The following CEMIP variants were observed in gnomAD, a reference collection of about 807,000 sequenced individuals.
The protein encoded by CEMIP is cell migration inducing hyaluronidase 1.
A neutral mutation model predicts 156.9 loss-of-function variants in CEMIP; 105 were observed. That is an observed-to-expected ratio of 0.67 (90% CI 0.57 to 0.79). The LOEUF is 0.79. CEMIP is among the 30% of genes least tolerant of loss of function. The pLI is 0.00. For missense variants in CEMIP, 1,457 were observed against 1,769.4 expected (o/e 0.82, Z 3.17); for synonymous variants, 676 against 668.4 (o/e 1.01, Z -0.17).
At chr15:80,839,285 C>A (rs913784011) in intron 1 of CEMIP, among the ~76,000 whole-genome samples, 1 of 60,052 alleles carries the variant, frequency 1.7e-5, no homozygotes, top group African/African-American at 1.2e-4. Context: ...GAGTCAAGGC[C>A]GTGAGTGTGT....
chr15:80,909,212 G>A lies in CEMIP; in HGVS notation c.1703G>A (p.Arg568Lys). ...CACCTGGCCGGTGATGTAGACGAAA[G>A]GGGAGGTTATGACCCACCCACATAC... Reference protein sequence around the residue: ...HFHLAGDVDERGGYDPPTYIR... With the variant: ...HFHLAGDVDEKGGYDPPTYIR... Residue 568 changes from arginine (R) to lysine (K), a missense_variant, in exon 14 of 30, where the codon AGG becomes AAG. Transcript: ENST00000394685. The A allele has an allele frequency of 6.2e-7, 1 of 1,614,130 alleles. No individual in the cohort carries two copies. Among genetic ancestry groups the A allele is most frequent in the South Asian group, 1.1e-5 (1 of 91,084 alleles).
intron 6 of CEMIP, among the ~76,000 whole-genome samples, chr15:80,882,022 G>A (rs1339914232): frequency 1.3e-5 from 2 of 152,162 alleles, no homozygotes; most frequent in Non-Finnish European, 2.9e-5. Context: ...GGACAGAGGT[G>A]GGGTAGACAA....
intron 3 of CEMIP, among the ~76,000 whole-genome samples, chr15:80,874,637 T>C: frequency 6.6e-6 from 1 of 152,234 alleles, no homozygotes; most frequent in South Asian, 2.1e-4. Flanking sequence ...TCTATTTTTC[T>C]ATCTCAGCAT....
At chr15:80,817,638 T>TAATAATAAA (rs1896818073) in intron 1 of CEMIP, among the ~76,000 whole-genome samples, 1 of 138,446 alleles carries the variant, frequency 7.2e-6, no homozygotes, top group Non-Finnish European at 1.6e-5. Flanking sequence ...ATAATAATAA[T>TAATAATAAA]AATATGTAAG....
intron 3 of CEMIP, among the ~76,000 whole-genome samples, chr15:80,874,399 A>G (rs28384338): frequency 0.31 from 46,476 of 151,938 alleles, 7,533 homozygotes; most frequent in East Asian, 0.59. Flanking sequence ...CTAGAGCTTT[A>G]TGTAAAATCT....
At chr15:80,912,403 G>A (rs568882930) in intron 14 of CEMIP, among the ~76,000 whole-genome samples, 1 of 152,282 alleles carries the variant, frequency 6.6e-6, no homozygotes, top group South Asian at 2.1e-4. Context: ...GCTGCAAACT[G>A]GGAGGGCCAT....
chr15:80,809,092 A>G (rs1896590431), intron 1 of CEMIP, among the ~76,000 whole-genome samples: 1 of 152,230 alleles, frequency 6.6e-6, no homozygotes, highest in South Asian at 2.1e-4. Context: ...GAAAATATCA[A>G]TTATATTGAA....
chr15:80,948,706 T>TG, intron 29 of CEMIP, 91 bp from the exon 30 acceptor site: 4 of 1,559,906 alleles, frequency 2.6e-6, no homozygotes, highest in Non-Finnish European at 3.5e-6. Flanking sequence ...CTGGTGGGCG[T>TG]GGGGGGCTGG....
At chr15:80,817,536 G>T (rs1015490208) in intron 1 of CEMIP, among the ~76,000 whole-genome samples, 2 of 151,832 alleles carry the variant, frequency 1.3e-5, no homozygotes, top group Admixed American at 6.6e-5. Flanking sequence ...GGGAGGTAGA[G>T]GTTGTGGTGA....
intron 1 of CEMIP, among the ~76,000 whole-genome samples, chr15:80,812,159 G>T (rs115392000): frequency 6.6e-6 from 1 of 152,150 alleles, no homozygotes; most frequent in Non-Finnish European, 1.5e-5. Context: ...GATTACAGGC[G>T]CATGACACCG....
At chr15:80,934,681 T>C (rs1385620198) in intron 23 of CEMIP, among the ~76,000 whole-genome samples, 1 of 151,612 alleles carries the variant, frequency 6.6e-6, no homozygotes, top group Non-Finnish European at 1.5e-5. Context: ...GGAGGAGTGA[T>C]AGGAGAGGGA....
chr15:80,904,825 C>A (rs934374778), intron 12 of CEMIP, among the ~76,000 whole-genome samples: 12 of 152,174 alleles, frequency 7.9e-5, no homozygotes, highest in African/African-American at 2.7e-4. Context: ...ACTCCCAAGG[C>A]TATAAGAGAA....
Position 80,906,210 on chromosome 15 carries a change from T to C in CEMIP, c.1412-453T>C, listed in dbSNP as rs1260687861. On this transcript the variant is annotated intron_variant, in intron 12 of 29. Transcript: ENST00000394685. The surrounding 1 kb of genome is among the most constrained non-coding windows in gnomAD (Gnocchi z 4.3). Reference sequence around the variant, plus strand: ...CCGTTGCTCTGCCATCTCTGGGGCATGGTGCTCACCTGCATGGGCGAGGCT... The same window carrying C: ...CCGTTGCTCTGCCATCTCTGGGGCACGGTGCTCACCTGCATGGGCGAGGCT... Among the ~76,000 whole-genome samples the C allele has an allele frequency of 6.6e-6, 1 of 152,192 alleles. No individual in the cohort carries two copies. The highest frequency in any genetic ancestry group is 1.5e-5 in the Non-Finnish European group (1 of 68,026).
chr15:80,839,897 C>G (rs1423736555), intron 1 of CEMIP, among the ~76,000 whole-genome samples: 1 of 152,192 alleles, frequency 6.6e-6, no homozygotes, highest in East Asian at 1.9e-4. Flanking sequence ...CACAACAACC[C>G]TAGCAGGTTG....
intron 1 of CEMIP, among the ~76,000 whole-genome samples, chr15:80,795,093 G>T (rs1896183507): frequency 6.6e-6 from 1 of 151,878 alleles, no homozygotes; most frequent in African/African-American, 2.4e-5. Flanking sequence ...GTGAGGTGAG[G>T]AGCAAGGCAG....
rs752233938 is a variant in CEMIP, at chr15:80,925,725, G to A, written c.2390G>A (p.Arg797His). ...YKNQDHGAWL[R>H]GGDVWLDSCR... ...AACCAGGACCACGGGGCCTGGCTGC[G>A]CGGCGGGGATGTGTGGCTGGACAGC... The change falls in exon 19 of 30, where the codon CGC becomes CAC. Residue 797 changes from arginine (R) to histidine (H), a missense_variant. Arg to His is a conservative substitution (Grantham distance 29). This residue lies in a region of CEMIP where 798 missense variants were observed against 980.1 expected (regional missense o/e 0.81). Transcript: ENST00000394685. 10 of 1,613,538 alleles carry A rather than the reference G, an allele frequency of 6.2e-6. No homozygotes were observed. The highest frequency in any genetic ancestry group is 4.5e-5 in the East Asian group (2 of 44,888).
rs532847428 is a variant in CEMIP, at chr15:80,847,820, G to A, written c.-175-25718G>A. Among the ~76,000 whole-genome samples the A allele has an allele frequency of 3.3e-4, 50 of 152,354 alleles. No homozygotes were observed. In the South Asian group the frequency reaches 5.6e-3, roughly 17 times the overall value. On this transcript the variant is annotated intron_variant, in intron 1 of 29. Transcript: ENST00000394685. ...GGGTGGCAGGATGCTTGCTGGCCAG[G>A]TAGCAGATGGAAATCAGTGTCCCTG...
intron 1 of CEMIP, among the ~76,000 whole-genome samples, chr15:80,816,865 C>T (rs2055714): frequency 0.024 from 3,699 of 152,098 alleles, 166 homozygotes; most frequent in African/African-American, 0.084. Context: ...TACAGTGCAC[C>T]GTTACTCTAG....
rs1400392943 is a variant in CEMIP at position 80,950,659 on chromosome 15, T to A, written c.*1735T>A. 2.0e-5 allele frequency: 3 copies of A among 152,508 alleles called. No homozygotes were observed. In the East Asian group the frequency reaches 5.8e-4, roughly 29 times the overall value. The allele number at this position is 152,508 out of a possible 1,614,324, so 9.4% of individuals were successfully genotyped here. ...GTTTCTGGTGAGCCAATTTGGCTGATCTTGGGTGTCTGAACAGCTATTGGG... is the reference window on the plus strand; with the variant it reads ...GTTTCTGGTGAGCCAATTTGGCTGAACTTGGGTGTCTGAACAGCTATTGGG... On this transcript the variant is annotated 3_prime_UTR_variant, in exon 30 of 30. Coordinates refer to ENST00000394685, the MANE Select transcript of CEMIP (RefSeq NM_001293298.2).
Sources: allele counts gnomAD v4.1 joint callset (sites outside exome capture counted in the v4.1 genomes callset), GRCh38; gene constraint gnomAD v4.1.1; regional missense constraint gnomAD v4.1.1; non-coding constraint Gnocchi (gnomAD v3.1); transcripts MANE v1.5; gene names NCBI Gene and HGNC (gene_info 2026-07-23, HGNC 2026-07-21).